MEGF11: variants seen among roughly 807,000 people sequenced by gnomAD.
MEGF11 encodes the protein multiple epidermal growth factor-like domains protein 11.
A neutral mutation model predicts 146.6 loss-of-function variants in MEGF11; 126 were observed. The ratio of observed to expected loss-of-function variants is 0.86; its 90% CI spans 0.74 to 1.00. The LOEUF (loss-of-function observed/expected upper bound fraction) is 1.00, where lower values mean the gene tolerates loss of function less well. Among genes scored for constraint, MEGF11 ranks in the 50% least tolerant of loss-of-function variants. The probability of loss-of-function intolerance (pLI) is 0.00; values close to 1 mark genes in which losing one functional copy is unlikely to be tolerated. For missense variants in MEGF11, 1,509 were observed against 1,521.2 expected, an observed-to-expected ratio of 0.99 and a Z score of 0.13; for synonymous variants, 532 against 583.4, an observed-to-expected ratio of 0.91 and a Z score of 1.27.
intron 5 of MEGF11, among the ~76,000 whole-genome samples, chr15:66,089,831 C>T (rs376348658): frequency 5.3e-5 from 8 of 152,274 alleles, no homozygotes; most frequent in African/African-American, 1.9e-4. Context: ...TATAGGAAAA[C>T]TTTCTTCCTT....
chr15:65,916,461 G>A (rs756477825), intron 17 of MEGF11, 185 bp from the exon 18 acceptor site: 43 of 798,050 alleles, frequency 5.4e-5, no homozygotes, highest in Non-Finnish European at 7.9e-5. Context: ...CAAGGTGATC[G>A]TTGCCTTTCC....
chr15:66,110,597 G>A (rs574559888), intron 4 of MEGF11, among the ~76,000 whole-genome samples: 1 of 152,246 alleles, frequency 6.6e-6, no homozygotes, highest in Admixed American at 6.5e-5. Flanking sequence ...TACCTGCAAG[G>A]CATAGATATC....
intron 5 of MEGF11, among the ~76,000 whole-genome samples, chr15:66,058,073 G>C (rs2140391175): frequency 6.6e-6 from 1 of 151,852 alleles, no homozygotes; most frequent in African/African-American, 2.4e-5. Flanking sequence ...TCCACAATAG[G>C]GTGCACACTG....
chr15:65,942,444 A>G (rs971213311), intron 10 of MEGF11, among the ~76,000 whole-genome samples: 32 of 152,228 alleles, frequency 2.1e-4, no homozygotes, highest in African/African-American at 7.0e-4. Flanking sequence ...TATAAAGCTA[A>G]GATGGCGGAA....
At chr15:65,974,258 T>G in intron 7 of MEGF11, among the ~76,000 whole-genome samples, 1 of 148,530 alleles carries the variant, frequency 6.7e-6, no homozygotes, top group African/African-American at 2.5e-5. Flanking sequence ...AAGTCAGAAG[T>G]AGGGGGGCTA....
At position 66,094,394 on chromosome 15, in the gene MEGF11, A is replaced by G; in HGVS notation, c.394+8T>C. 1.3e-6 allele frequency: 2 copies of G among 1,553,510 alleles called. No homozygotes were observed. Among genetic ancestry groups the G allele is most frequent in the Non-Finnish European group, 1.7e-6 (2 of 1,147,906 alleles). ...GGGTGCCTCCTGACCCCCAAACCCC[A>G]GACTCACCGCTGGAGCAGTCGGGCC... is the stretch of plus-strand genomic sequence containing the variant. On this transcript the variant is annotated splice_region_variant and intron_variant, in intron 5 of 25. Transcript: ENST00000395614.
intron 5 of MEGF11, among the ~76,000 whole-genome samples, chr15:66,064,824 C>T (rs115906662): frequency 0.015 from 2,239 of 152,220 alleles, 54 homozygotes; most frequent in African/African-American, 0.049. Context: ...CCACCACTCC[C>T]GGCCTTGTGA....
intron 1 of MEGF11, among the ~76,000 whole-genome samples, chr15:66,219,124 A>G (rs2091667448): frequency 2.0e-5 from 3 of 152,310 alleles, no homozygotes; most frequent in South Asian, 4.1e-4. Context: ...AAAACCTTCT[A>G]GAAGAAAACA....
intron 5 of MEGF11, among the ~76,000 whole-genome samples, chr15:66,040,731 G>A (rs755506219): frequency 1.4e-4 from 21 of 152,112 alleles, no homozygotes; most frequent in Non-Finnish European, 2.9e-4. Flanking sequence ...CTCACATCAC[G>A]ACTGTCATCA....
intron 23 of MEGF11, among the ~76,000 whole-genome samples, chr15:65,907,525 C>T (rs2078665362): frequency 6.6e-6 from 1 of 152,058 alleles, no homozygotes; most frequent in African/African-American, 2.4e-5. Context: ...GAACTCCTGA[C>T]GTCACGTGAT....
chr15:66,113,957 C>T (rs2087584599), intron 4 of MEGF11, among the ~76,000 whole-genome samples: 1 of 152,040 alleles, frequency 6.6e-6, no homozygotes, highest in Admixed American at 6.6e-5. Flanking sequence ...CACCTGGGAA[C>T]TTGTTAGAAA....
In MEGF11 at chr15:66,016,887, G is replaced by T. The variant is rs2082906922; in HGVS notation, c.395-34399C>A. Among the ~76,000 whole-genome samples the T allele has an allele frequency of 2.6e-5, 4 of 152,200 alleles. No homozygotes were observed. In the South Asian group the frequency reaches 6.2e-4, roughly 24 times the overall value. On this transcript the variant is annotated intron_variant, in intron 5 of 25. Coordinates refer to ENST00000395614, the MANE Select transcript of MEGF11 (RefSeq NM_001385028.1). Reference sequence around the variant, plus strand: ...TATAGAGACAGGAAGTTTTCCCAAAGGTGGCCTAACTTGGGCAGGGACTGA... The same window carrying T: ...TATAGAGACAGGAAGTTTTCCCAAATGTGGCCTAACTTGGGCAGGGACTGA...
At chr15:66,167,640 C>T (rs557133425) in intron 1 of MEGF11, among the ~76,000 whole-genome samples, 12 of 149,694 alleles carry the variant, frequency 8.0e-5, no homozygotes, top group Admixed American at 4.7e-4. Context: ...AGCGAAATTC[C>T]GTCTCAAACA....
At chr15:66,082,012 G>C (rs2085879066) in intron 5 of MEGF11, among the ~76,000 whole-genome samples, 1 of 152,162 alleles carries the variant, frequency 6.6e-6, no homozygotes, top group Non-Finnish European at 1.5e-5. Context: ...GAGTCAGCCA[G>C]AACCTTGGTC....
At chr15:65,921,263 GC>G (rs1311358749) in intron 15 of MEGF11, among the ~76,000 whole-genome samples, 2 of 152,120 alleles carry the variant, frequency 1.3e-5, no homozygotes, top group Non-Finnish European at 2.9e-5. Context: ...CCTTGAAGTT[GC>G]TTTTAGCCCT....
intron 1 of MEGF11, among the ~76,000 whole-genome samples, chr15:66,189,094 A>C (rs2090800548): frequency 6.6e-6 from 1 of 152,258 alleles, no homozygotes; most frequent in African/African-American, 2.4e-5. Flanking sequence ...GGAGAGAAGG[A>C]AAGTAAATTG....
chr15:66,077,990 T>A (rs1266262005), intron 5 of MEGF11, among the ~76,000 whole-genome samples: 1 of 151,976 alleles, frequency 6.6e-6, no homozygotes, highest in Admixed American at 6.5e-5. Flanking sequence ...GGGACACAGG[T>A]GTGGCCCAAT....
At position 66,226,485 on chromosome 15, in the gene MEGF11, G is replaced by C. The variant is rs139144976; in HGVS notation, c.-9+27120C>G. Among the ~76,000 whole-genome samples the C allele has an allele frequency of 1.8e-3, 266 of 151,916 alleles. 5 individuals are homozygous for C. The East Asian group carries it at 0.042, about 24-fold the overall frequency. On this transcript the variant is annotated intron_variant, in intron 1 of 25. Transcript: ENST00000395614. ...CTGGTCTTGAACTCCTGACCTCAAG[G>C]GATTCACCCACCTCGGCCTCCCAAA...
At chr15:66,116,554 C>T (rs1022319572) in intron 4 of MEGF11, among the ~76,000 whole-genome samples, 6 of 152,224 alleles carry the variant, frequency 3.9e-5, no homozygotes, top group African/African-American at 1.4e-4. Context: ...CAAATACATG[C>T]TGCATGGGTA....
Sources: gnomAD v4.1 joint callset for allele counts (sites outside exome capture counted in the v4.1 genomes callset) on GRCh38, gnomAD v4.1.1 for gene constraint, MANE v1.5 for transcripts, NCBI Gene and HGNC (gene_info 2026-07-23, HGNC 2026-07-21) for gene names.